ZNF804B: variants seen among roughly 807,000 people sequenced by gnomAD.
The protein encoded by ZNF804B is zinc finger 804B.
A neutral mutation model predicts 101.4 loss-of-function variants in ZNF804B; 80 were observed. That is an observed-to-expected ratio of 0.79 (90% CI 0.66 to 0.95). The LOEUF is 0.95. ZNF804B is among the 40% of genes least tolerant of loss of function. ZNF804B has a pLI of 0.00. For missense variants in ZNF804B, 1,673 were observed against 1,561.9 expected, an observed-to-expected ratio of 1.07 and a Z score of -1.20; for synonymous variants, 622 against 558.8, an observed-to-expected ratio of 1.11 and a Z score of -1.59.
intron 1 of ZNF804B, among the ~76,000 whole-genome samples, chr7:89,196,784 A>T (rs765767430): frequency 6.6e-6 from 1 of 152,120 alleles, no homozygotes; most frequent in Non-Finnish European, 1.5e-5. Flanking sequence ...ACAGGAAAAA[A>T]ACCCTATTAA....
chr7:89,298,012 T>C (rs1790410477), intron 2 of ZNF804B, among the ~76,000 whole-genome samples: 1 of 147,630 alleles, frequency 6.8e-6, no homozygotes, highest in Non-Finnish European at 1.5e-5. Context: ...TCCTCTAATC[T>C]AGAACACTGT....
chr7:89,287,320 A>T (rs1790217310), intron 2 of ZNF804B, among the ~76,000 whole-genome samples: 1 of 152,146 alleles, frequency 6.6e-6, no homozygotes, highest in Non-Finnish European at 1.5e-5. Flanking sequence ...ATGTATACAT[A>T]CACGTGCACA....
At chr7:89,169,460 G>A (rs12704442) in intron 1 of ZNF804B, among the ~76,000 whole-genome samples, 31,227 of 152,024 alleles carry the variant, frequency 0.21, 3,420 homozygotes, top group Middle Eastern at 0.4. Context: ...CTGATTGGTC[G>A]GGTGTGAGCT....
chr7:89,094,326 ATG>A (rs779434791), intron 1 of ZNF804B, among the ~76,000 whole-genome samples: 20 of 151,988 alleles, frequency 1.3e-4, no homozygotes, highest in Non-Finnish European at 1.8e-4. Flanking sequence ...TAACCTCTGT[ATG>A]TGTGTGTGTA....
chr7:89,140,040 G>T (rs190198942), intron 1 of ZNF804B, among the ~76,000 whole-genome samples: 2 of 152,148 alleles, frequency 1.3e-5, no homozygotes, highest in East Asian at 1.9e-4. Context: ...TCCATGAGCT[G>T]CAGAATGAAT....
intron 2 of ZNF804B, among the ~76,000 whole-genome samples, chr7:89,253,832 C>T (rs1434631977): frequency 6.6e-6 from 1 of 152,036 alleles, no homozygotes; most frequent in Non-Finnish European, 1.5e-5. Context: ...TAGGTATAAT[C>T]TAAGCTGAAT....
intron 1 of ZNF804B, among the ~76,000 whole-genome samples, chr7:89,101,393 C>T (rs920294357): frequency 6.6e-6 from 1 of 151,878 alleles, no homozygotes; most frequent in African/African-American, 2.4e-5. Context: ...GTGATATTCT[C>T]TATTTGATAT....
At chr7:88,909,790 A>G (rs1164604902) in intron 1 of ZNF804B, among the ~76,000 whole-genome samples, 1 of 151,486 alleles carries the variant, frequency 6.6e-6, no homozygotes, top group Non-Finnish European at 1.5e-5. Context: ...TTCCTTAGCA[A>G]TCAGTTTGTC....
At chr7:89,011,816 T>A (rs1788467202) in intron 1 of ZNF804B, among the ~76,000 whole-genome samples, 2 of 152,108 alleles carry the variant, frequency 1.3e-5, no homozygotes, top group Admixed American at 6.5e-5. Context: ...CTTTACTAGG[T>A]GCACAGTGCA....
intron 1 of ZNF804B, among the ~76,000 whole-genome samples, chr7:89,197,185 T>G (rs553019299): frequency 1.3e-5 from 2 of 152,016 alleles, no homozygotes; most frequent in South Asian, 4.1e-4. Context: ...CTGCACATCC[T>G]GCAGAGATAG....
chr7:88,967,764 A>T (rs2116104160), intron 1 of ZNF804B, among the ~76,000 whole-genome samples: 1 of 151,344 alleles, frequency 6.6e-6, no homozygotes, highest in South Asian at 2.1e-4. Context: ...GATTATAATT[A>T]GGAACTTTAA....
chr7:88,936,931 T>C (rs1037989435), intron 1 of ZNF804B, among the ~76,000 whole-genome samples: 1 of 151,918 alleles, frequency 6.6e-6, no homozygotes, highest in African/African-American at 2.4e-5. Context: ...ACATTTAAGC[T>C]AGACTGAAAA....
chr7:89,265,295 CGCGT>C (rs1789774429), intron 2 of ZNF804B, among the ~76,000 whole-genome samples: 1 of 95,784 alleles, frequency 1.0e-5, no homozygotes, highest in Admixed American at 1.4e-4. Context: ...TGTGTGTGTG[CGCGT>C]GCGCGCGCGC....
intron 1 of ZNF804B, among the ~76,000 whole-genome samples, chr7:89,090,626 G>A (rs922318214): frequency 2.0e-5 from 3 of 151,932 alleles, no homozygotes; most frequent in Admixed American, 2.0e-4. Flanking sequence ...ATTACTAATT[G>A]TCTACTTTAT....
At chr7:88,815,204 T>G (rs1287054074) in intron 1 of ZNF804B, among the ~76,000 whole-genome samples, 1 of 147,904 alleles carries the variant, frequency 6.8e-6, no homozygotes, top group Non-Finnish European at 1.5e-5. Flanking sequence ...TTTTTATATA[T>G]TCTCTATATA....
At chr7:89,329,939 TTC>T (rs1790954610) in intron 3 of ZNF804B, among the ~76,000 whole-genome samples, 1 of 151,640 alleles carries the variant, frequency 6.6e-6, no homozygotes, top group African/African-American at 2.4e-5. Flanking sequence ...ATGTTTTTCT[TTC>T]TGTTTGGTAA....
intron 1 of ZNF804B, among the ~76,000 whole-genome samples, chr7:88,854,476 T>C (rs1335946318): frequency 1.6e-4 from 8 of 48,762 alleles, no homozygotes; most frequent in Middle Eastern, 9.8e-3. Context: ...TCTTTCTTTC[T>C]CTTTCCTTTC....
intron 1 of ZNF804B, among the ~76,000 whole-genome samples, chr7:89,122,544 TG>T (rs1279738911): frequency 6.6e-6 from 1 of 152,210 alleles, no homozygotes; most frequent in Non-Finnish European, 1.5e-5. Context: ...TTCCTTTCAA[TG>T]GGGGCCATCC....
At chr7:89,277,618 C>T (rs1057458498) in intron 2 of ZNF804B, among the ~76,000 whole-genome samples, 6 of 150,146 alleles carry the variant, frequency 4.0e-5, no homozygotes, top group African/African-American at 9.8e-5. Flanking sequence ...TTTGTTCTTC[C>T]GATACTTTAC....
Sources: allele counts gnomAD v4.1 joint callset (sites outside exome capture counted in the v4.1 genomes callset), GRCh38; gene constraint gnomAD v4.1.1; transcripts MANE v1.5; gene names NCBI Gene and HGNC (gene_info 2026-07-23, HGNC 2026-07-21).